Variants in SAMSN1 observed in about 807,000 individuals in gnomAD.
The protein encoded by SAMSN1 is SAM domain-containing protein SAMSN-1.
A neutral mutation model predicts 42.0 loss-of-function variants in SAMSN1; 31 were observed. That is an observed-to-expected ratio of 0.74 (90% CI 0.55 to 1.00). The LOEUF (loss-of-function observed/expected upper bound fraction) is 1.00, where lower values mean the gene tolerates loss of function less well. Among genes scored for constraint, SAMSN1 ranks in the 50% least tolerant of loss-of-function variants. SAMSN1 has a pLI of 0.00. For synonymous variants in SAMSN1, 178 were observed against 151.9 expected (o/e 1.17, Z -1.26); for missense variants, 464 against 439.4 (o/e 1.06, Z -0.50).
At chr21:14,495,815 C>A (rs907369066) in intron 7 of SAMSN1, 1 of 152,168 alleles carries the variant, frequency 6.6e-6, no homozygotes, top group Non-Finnish European at 1.5e-5. Flanking sequence ...GATTTGTGAG[C>A]TTGAGAAAGC....
At chr21:14,631,729 T>C (rs1983336662) in intron 2 of SAMSN1, among the ~76,000 whole-genome samples, 1 of 152,200 alleles carries the variant, frequency 6.6e-6, no homozygotes, top group Admixed American at 6.5e-5. Flanking sequence ...CTAATTACTG[T>C]ATTGCATTAT....
At chr21:14,554,058 C>T (rs1243474626) in intron 2 of SAMSN1, among the ~76,000 whole-genome samples, 1 of 152,024 alleles carries the variant, frequency 6.6e-6, no homozygotes, top group Non-Finnish European at 1.5e-5. Context: ...TTTTGTTTTC[C>T]AGGAAAATTC....
intron 2 of SAMSN1, among the ~76,000 whole-genome samples, chr21:14,639,444 C>A (rs906428963): frequency 1.3e-5 from 2 of 152,082 alleles, no homozygotes; most frequent in African/African-American, 4.8e-5. Context: ...TATAACAAAC[C>A]CACTCTTGAT....
chr21:14,625,028 A>G (rs1312987010), intron 2 of SAMSN1, among the ~76,000 whole-genome samples: 3 of 152,192 alleles, frequency 2.0e-5, no homozygotes, highest in Non-Finnish European at 2.9e-5. Context: ...GACAAAAACC[A>G]CATGATTACC....
intron 5 of SAMSN1, among the ~76,000 whole-genome samples, chr21:14,604,487 A>G (rs1479702006): frequency 6.6e-6 from 1 of 152,222 alleles, no homozygotes; most frequent in Non-Finnish European, 1.5e-5. Flanking sequence ...GCTGAGGCAG[A>G]GGAATGCTTG....
At chr21:14,647,940 A>G (rs1983750961) in intron 1 of SAMSN1, among the ~76,000 whole-genome samples, 1 of 151,590 alleles carries the variant, frequency 6.6e-6, no homozygotes, top group African/African-American at 2.4e-5. Context: ...GAACAGGGAC[A>G]ATTTGACTTC....
In SAMSN1 at chr21:14,644,248, C is replaced by T. The variant is rs192687413; in HGVS notation, c.25-1115G>A. ...TAACCCTAGGCTGCATATCTTGAGG[C>T]TCCAAAAGAGACCCCTTCCTTCTGC... On this transcript the variant is annotated intron_variant, in intron 1 of 15. Coordinates refer to the SAMSN1 transcript ENST00000647101. 1.1e-4 allele frequency among the ~76,000 whole-genome samples: 17 copies of T among 152,174 alleles called. No homozygotes were observed. The East Asian group carries it at 3.3e-3, about 29-fold the overall frequency.
chr21:14,517,094 G>T, intron 2 of SAMSN1, 53 bp from the exon 3 acceptor site: 1 of 1,494,882 alleles, frequency 6.7e-7, no homozygotes. Flanking sequence ...AAAAAACATT[G>T]ATCTGAAATC....
chr21:14,617,574 T>C (rs1447190609), intron 2 of SAMSN1, among the ~76,000 whole-genome samples: 2 of 152,162 alleles, frequency 1.3e-5, no homozygotes, highest in Non-Finnish European at 2.9e-5. Context: ...TATGTCTCAA[T>C]AGTCAAAATC....
At chr21:14,503,885 T>A (rs184402281) in intron 5 of SAMSN1, among the ~76,000 whole-genome samples, 1 of 152,286 alleles carries the variant, frequency 6.6e-6, no homozygotes, top group East Asian at 1.9e-4. Context: ...AATACCGTGC[T>A]GGCATCCACA....
intron 6 of SAMSN1, among the ~76,000 whole-genome samples, chr21:14,597,638 A>G (rs1982309241): frequency 6.6e-6 from 1 of 152,198 alleles, no homozygotes; most frequent in Non-Finnish European, 1.5e-5. Flanking sequence ...GCTTTGAGGA[A>G]GAGAATAACC....
At chr21:14,569,337 A>G (rs988434472) in intron 2 of SAMSN1, among the ~76,000 whole-genome samples, 6 of 152,180 alleles carry the variant, frequency 3.9e-5, no homozygotes, top group Non-Finnish European at 7.4e-5. Flanking sequence ...TCTTCTGAAA[A>G]GATAATTCTC....
intron 1 of SAMSN1, among the ~76,000 whole-genome samples, chr21:14,522,652 T>A (rs1274949486): frequency 6.6e-6 from 1 of 152,194 alleles, no homozygotes; most frequent in Non-Finnish European, 1.5e-5. Flanking sequence ...GTTCCTGTGA[T>A]CTACTTTTCA....
At chr21:14,602,527 T>C (rs902985657) in intron 5 of SAMSN1, among the ~76,000 whole-genome samples, 4 of 152,222 alleles carry the variant, frequency 2.6e-5, no homozygotes, top group African/African-American at 7.2e-5. Context: ...ACATGAATTA[T>C]TTATGTTGAA....
At chr21:14,618,561 C>T (rs748890529) in intron 2 of SAMSN1, among the ~76,000 whole-genome samples, 6 of 152,092 alleles carry the variant, frequency 3.9e-5, no homozygotes, top group Non-Finnish European at 7.4e-5. Context: ...CAGACTGTCA[C>T]GTATATTGGA....
At chr21:14,594,438 G>C (rs191035389) in intron 6 of SAMSN1, among the ~76,000 whole-genome samples, 1 of 152,190 alleles carries the variant, frequency 6.6e-6, no homozygotes, top group East Asian at 1.9e-4. Flanking sequence ...GTGGAAAGGG[G>C]GGATCCCGAA....
intron 7 of SAMSN1, among the ~76,000 whole-genome samples, chr21:14,589,843 C>G (rs1298293093): frequency 6.6e-6 from 1 of 152,094 alleles, no homozygotes; most frequent in African/African-American, 2.4e-5. Flanking sequence ...AAAAATTTTC[C>G]TCTCTAGTGT....
At chr21:14,506,822 A>G (rs1384664466) in intron 5 of SAMSN1, among the ~76,000 whole-genome samples, 1 of 152,194 alleles carries the variant, frequency 6.6e-6, no homozygotes, top group Admixed American at 6.5e-5. Context: ...GAATTCAACA[A>G]CATATCAAAA....
intron 7 of SAMSN1, chr21:14,592,745 G>T (rs560728014): frequency 1.2e-4 from 26 of 216,684 alleles, no homozygotes; most frequent in Admixed American, 5.9e-4. Context: ...CAAAAATGTG[G>T]AAACGGAAAT....
Sources: allele counts gnomAD v4.1 joint callset (sites outside exome capture counted in the v4.1 genomes callset), GRCh38; gene constraint gnomAD v4.1.1; transcripts MANE v1.5; gene names NCBI Gene and HGNC (gene_info 2026-07-23, HGNC 2026-07-21).